Variants in ROBO2 observed in about 807,000 individuals in gnomAD.
ROBO2 encodes roundabout homolog 2.
In ROBO2, 53 loss-of-function variants were observed where a neutral mutation model predicts 160.8. The ratio of observed to expected loss-of-function variants is 0.33; its 90% confidence interval spans 0.26 to 0.41. ROBO2 has a LOEUF of 0.41. Ranked by LOEUF, ROBO2 falls within the 10% of genes least tolerant of loss-of-function variation. The pLI is 1.00. For synonymous variants in ROBO2, 664 were observed against 611.7 expected, an observed-to-expected ratio of 1.09 and a Z score of -1.26; for missense variants, 1,577 against 1,722.4, an observed-to-expected ratio of 0.92 and a Z score of 1.49.
chr3:77,608,824 C>T (rs573764493), intron 21 of ROBO2, among the ~76,000 whole-genome samples: 2 of 151,734 alleles, frequency 1.3e-5, no homozygotes, highest in East Asian at 3.9e-4. Flanking sequence ...TTTTTTTTCA[C>T]TTAGAAATAG....
At chr3:76,196,057 C>T (rs188296857) in intron 2 of ROBO2, among the ~76,000 whole-genome samples, 46 of 152,268 alleles carry the variant, frequency 3.0e-4, no homozygotes, top group Non-Finnish European at 2.5e-4. Flanking sequence ...TTGTCACAGA[C>T]AAGGAGCCTG....
chr3:76,329,165 C>G (rs80252852), intron 2 of ROBO2, among the ~76,000 whole-genome samples: 1 of 151,996 alleles, frequency 6.6e-6, no homozygotes, highest in Non-Finnish European at 1.5e-5. Context: ...CGGAGAGACA[C>G]GACAAGGTCA....
At chr3:76,212,843 C>CCT (rs113091456) in intron 2 of ROBO2, among the ~76,000 whole-genome samples, 113 of 149,092 alleles carry the variant, frequency 7.6e-4, no homozygotes, top group African/African-American at 1.3e-3. Flanking sequence ...ACCCATGGAG[C>CCT]CTCTCTCTCT....
intron 2 of ROBO2, among the ~76,000 whole-genome samples, chr3:77,205,498 A>C (rs1479952288): frequency 6.6e-6 from 1 of 151,782 alleles, no homozygotes; most frequent in African/African-American, 2.4e-5. Flanking sequence ...TTGGGAGTTT[A>C]TGTGGGTACA....
At chr3:76,821,322 A>T in intron 2 of ROBO2, among the ~76,000 whole-genome samples, 1 of 151,976 alleles carries the variant, frequency 6.6e-6, no homozygotes, top group Non-Finnish European at 1.5e-5. Flanking sequence ...TTTCCTTTAC[A>T]TAGTTCAACA....
At chr3:76,392,108 A>G (rs2077183259) in intron 2 of ROBO2, among the ~76,000 whole-genome samples, 1 of 152,204 alleles carries the variant, frequency 6.6e-6, no homozygotes, top group Admixed American at 6.5e-5. Flanking sequence ...TTACTTAATA[A>G]GATTTTCTTT....
chr3:76,005,517 G>A (rs2065995832), intron 2 of ROBO2, among the ~76,000 whole-genome samples: 1 of 152,148 alleles, frequency 6.6e-6, no homozygotes, highest in Admixed American at 6.5e-5. Flanking sequence ...AAATGAATGT[G>A]CCAATAAACC....
At chr3:77,156,138 C>T (rs370133620) in intron 2 of ROBO2, among the ~76,000 whole-genome samples, 21 of 151,980 alleles carry the variant, frequency 1.4e-4, no homozygotes, top group East Asian at 5.8e-4. Context: ...TCATCCAAAC[C>T]GAACTTATAA....
At chr3:77,364,672 A>G (rs2070567844) in intron 2 of ROBO2, among the ~76,000 whole-genome samples, 1 of 152,204 alleles carries the variant, frequency 6.6e-6, no homozygotes, top group Admixed American at 6.6e-5. Context: ...AAAGAGAATA[A>G]TAGTAGTTGA....
chr3:76,807,483 C>T (rs939001869), intron 2 of ROBO2, among the ~76,000 whole-genome samples: 8 of 152,190 alleles, frequency 5.3e-5, no homozygotes, highest in Admixed American at 5.2e-4. Context: ...ATAAGAACAC[C>T]TGCTAATGGA....
At position 77,012,750 on chromosome 3, in the gene ROBO2, A is replaced by G. The variant is rs754221998; in HGVS notation, c.110-85264A>G. Reference sequence around the variant, plus strand: ...TCAGGTTGTCAGACCCTGGCACAGAACTACTGAATTCAAATGTCTGGGATT... The same window carrying G: ...TCAGGTTGTCAGACCCTGGCACAGAGCTACTGAATTCAAATGTCTGGGATT... On this transcript the variant is annotated intron_variant, in intron 2 of 26. Coordinates refer to the ROBO2 transcript ENST00000487694. Among the ~76,000 whole-genome samples, 25 of 152,192 alleles carry G rather than the reference A, an allele frequency of 1.6e-4. 1 individual carries two copies. The highest frequency in any genetic ancestry group is 3.2e-4 in the Non-Finnish European group (22 of 68,016).
At chr3:77,422,568 C>T (rs1196010546) in intron 2 of ROBO2, among the ~76,000 whole-genome samples, 1 of 152,082 alleles carries the variant, frequency 6.6e-6, no homozygotes, top group Non-Finnish European at 1.5e-5. Context: ...TGATATCGAA[C>T]CACAGATTCA....
chr3:76,668,227 G>A (rs1210382486), intron 2 of ROBO2, among the ~76,000 whole-genome samples: 1 of 151,642 alleles, frequency 6.6e-6, no homozygotes, highest in African/African-American at 2.4e-5. Flanking sequence ...AGCTTCTGGA[G>A]TAGCTGGGAC....
intron 2 of ROBO2, among the ~76,000 whole-genome samples, chr3:76,062,444 CA>C (rs1559879335): frequency 6.6e-6 from 1 of 152,044 alleles, no homozygotes. Flanking sequence ...ACAACATTAG[CA>C]AAACATTGTA....
chr3:77,564,610 C>T (rs984291250), intron 11 of ROBO2: 4 of 409,024 alleles, frequency 9.8e-6, no homozygotes, highest in East Asian at 1.2e-4. Context: ...TATACATTTA[C>T]GAGGACCATA....
chr3:76,806,793 T>A (rs1372989448), intron 2 of ROBO2, among the ~76,000 whole-genome samples: 2 of 152,026 alleles, frequency 1.3e-5, no homozygotes, highest in African/African-American at 4.8e-5. Flanking sequence ...GACACAGATA[T>A]ACGTATACAT....
intron 23 of ROBO2, 115 bp from the exon 25 acceptor site, chr3:77,634,755 T>C (rs1048136708): frequency 1.0e-6 from 1 of 979,744 alleles, no homozygotes; most frequent in Non-Finnish European, 1.6e-6. Context: ...ATTTGGTATC[T>C]TCATATGTTA....
At chr3:76,575,795 A>C (rs1305576321) in intron 2 of ROBO2, among the ~76,000 whole-genome samples, 1 of 152,080 alleles carries the variant, frequency 6.6e-6, no homozygotes, top group African/African-American at 2.4e-5. Flanking sequence ...AACCATCTCC[A>C]CAATAAGCCC....
chr3:77,285,891 A>T (rs1018096366), intron 2 of ROBO2, among the ~76,000 whole-genome samples: 8 of 152,218 alleles, frequency 5.3e-5, no homozygotes, highest in African/African-American at 1.9e-4. Flanking sequence ...TTTTGAAAAG[A>T]TAATGCCCTA....
Sources: allele counts gnomAD v4.1 joint callset (sites outside exome capture counted in the v4.1 genomes callset), GRCh38; gene constraint gnomAD v4.1.1; transcripts MANE v1.5; gene names NCBI Gene and HGNC (gene_info 2026-07-23, HGNC 2026-07-21).